PUM1: variants seen among roughly 807,000 people sequenced by gnomAD.
The protein encoded by PUM1 is pumilio homolog 1.
Under a neutral mutation model 131.8 loss-of-function variants are expected in PUM1, and 13 were observed. The observed-to-expected ratio is 0.10, with a 90% CI of 0.06 to 0.16. The LOEUF (loss-of-function observed/expected upper bound fraction) is 0.16. Among genes scored for constraint, PUM1 ranks in the 10% least tolerant of loss-of-function variants. The probability of loss-of-function intolerance (pLI) is 1.00; values close to 1 mark genes in which losing one functional copy is unlikely to be tolerated. For synonymous variants in PUM1, 509 were observed against 556.5 expected, an observed-to-expected ratio of 0.91 and a Z score of 1.20; for missense variants, 961 against 1,512.4, an observed-to-expected ratio of 0.64 and a Z score of 6.05.
rs531387399 is a variant in PUM1, at chr1:31,011,015, C to T, written c.433-3913G>A. Among the ~76,000 whole-genome samples, 28 of 152,138 alleles carry T rather than the reference C, an allele frequency of 1.8e-4. No homozygotes were observed. The South Asian group carries it at 4.6e-3, about 25-fold the overall frequency. On this transcript the variant is annotated intron_variant, in intron 3 of 21. Transcript: ENST00000426105. ...ACAAAAGACTTTTTAAAAATCAGTC[C>T]GGAGTGGTGGCACACCCCTGCAGTC...
chr1:30,954,012 C>A, intron 14 of PUM1, 31 bp from the exon 15 acceptor site: 1 of 1,597,158 alleles, frequency 6.3e-7, no homozygotes, highest in Non-Finnish European at 8.6e-7. Flanking sequence ...TAACTTAAGA[C>A]CACTCTTCAG....
chr1:30,980,383 A>G (rs1422892002), intron 8 of PUM1, among the ~76,000 whole-genome samples: 1 of 152,248 alleles, frequency 6.6e-6, no homozygotes, highest in Non-Finnish European at 1.5e-5. Context: ...CCTTTGCTAA[A>G]GAAATATTTA....
chr1:31,056,401 C>T (rs1002579377), intron 2 of PUM1, among the ~76,000 whole-genome samples: 1 of 151,960 alleles, frequency 6.6e-6, no homozygotes, highest in Non-Finnish European at 1.5e-5. Flanking sequence ...CTGCCTCAGC[C>T]TCCCGAGGAG....
chr1:30,935,599 G>A, intron 21 of PUM1: 1 of 453,782 alleles, frequency 2.2e-6, no homozygotes, highest in Non-Finnish European at 4.5e-6. Context: ...TTAAGAACCT[G>A]GGACTCCCCC....
intron 18 of PUM1, among the ~76,000 whole-genome samples, chr1:30,944,953 C>A (rs1270350431): frequency 1.3e-5 from 2 of 152,192 alleles, no homozygotes; most frequent in Non-Finnish European, 2.9e-5. Flanking sequence ...ACATTAAGAT[C>A]AGGCACAGTG....
chr1:30,936,566 C>T, intron 21 of PUM1, 77 bp downstream of exon 21: 5 of 1,374,996 alleles, frequency 3.6e-6, no homozygotes, highest in Non-Finnish European at 5.0e-6. Context: ...CAGCAGGGCA[C>T]CCACCCTCCT....
At chr1:31,031,966 G>A (rs749661665) in intron 2 of PUM1, among the ~76,000 whole-genome samples, 11 of 147,086 alleles carry the variant, frequency 7.5e-5, no homozygotes, top group Non-Finnish European at 1.1e-4. Flanking sequence ...CCTCTTTCAG[G>A]GTATCTCCCG....
At chr1:30,991,951 C>T (rs1641808867) in intron 7 of PUM1, among the ~76,000 whole-genome samples, 1 of 152,208 alleles carries the variant, frequency 6.6e-6, no homozygotes, top group South Asian at 2.1e-4. Flanking sequence ...TCTGGAGTAA[C>T]TTGTTTAACT....
intron 5 of PUM1, among the ~76,000 whole-genome samples, chr1:30,997,664 C>T (rs1173311433): frequency 1.3e-5 from 2 of 152,120 alleles, no homozygotes; most frequent in South Asian, 2.1e-4. Context: ...AGAACCTGCT[C>T]AGCTCTTCTA....
intron 14 of PUM1, among the ~76,000 whole-genome samples, chr1:30,963,363 T>C (rs1342064102): frequency 6.6e-6 from 1 of 152,222 alleles, no homozygotes; most frequent in East Asian, 1.9e-4. Context: ...ATTATGGACC[T>C]ACTAATCAGG....
intron 2 of PUM1, among the ~76,000 whole-genome samples, chr1:31,045,562 A>C (rs1284282131): frequency 6.6e-6 from 1 of 152,228 alleles, no homozygotes; most frequent in African/African-American, 2.4e-5. Context: ...AAGCCTGGGC[A>C]ACATGAGACC....
Position 31,065,629 on chromosome 1 carries a change from G to A in PUM1, c.-25C>T, listed in dbSNP as rs1348947352. The stretch of plus-strand genomic sequence containing the variant: ...GCGGATACTCACGGGCGGAGCGGTA[G>A]GATGAAGATGGATTTCAGCCCCCCG... On this transcript the variant is annotated 5_prime_UTR_variant, in exon 1 of 22. Transcript: ENST00000426105. 1.3e-6 allele frequency: 2 copies of A among 1,548,334 alleles called. No individual in the cohort carries two copies. The highest frequency in any genetic ancestry group is 1.7e-4 in the Middle Eastern group (1 of 6,014).
intron 2 of PUM1, among the ~76,000 whole-genome samples, chr1:31,032,057 T>C (rs1215737287): frequency 6.6e-6 from 1 of 152,192 alleles, no homozygotes; most frequent in African/African-American, 2.4e-5. Flanking sequence ...AGTCAATTGT[T>C]GAGAAAGGAG....
At chr1:31,009,324 A>C (rs1570262930) in intron 3 of PUM1, among the ~76,000 whole-genome samples, 1 of 152,116 alleles carries the variant, frequency 6.6e-6, no homozygotes, top group Non-Finnish European at 1.5e-5. Context: ...TGTATTCCAG[A>C]AGAAAGAATG....
At chr1:30,949,062 A>G (rs1639814894) in intron 17 of PUM1, 2 of 452,276 alleles carry the variant, frequency 4.4e-6, no homozygotes, top group Admixed American at 4.8e-5. Flanking sequence ...CACTGCCAAC[A>G]CCAGTGCAGT....
chr1:30,992,619 T>C lies in PUM1; in HGVS notation c.929A>G (p.Asp310Gly). The stretch of plus-strand genomic sequence containing the variant: ...ACCATTCTGGTTTGGACCCAGAAGA[T>C]CCACTTCATTAGCAGAGTTCTGGCA... ...GNCQNSANEV[D>G]LLGPNQNGSE... The change falls in exon 7 of 22, where the codon GAT (aspartate) becomes GGT (glycine). Residue 310 changes from aspartate to glycine, a missense_variant. Coordinates refer to ENST00000426105, the MANE Select transcript of PUM1 (RefSeq NM_001020658.2). 3 of 1,614,108 alleles carry C rather than the reference T, an allele frequency of 1.9e-6. No homozygotes were observed. Among genetic ancestry groups the C allele is most frequent in the Non-Finnish European group, 2.5e-6 (3 of 1,179,984 alleles).
intron 12 of PUM1, 182 bp downstream of exon 12, chr1:30,966,985 C>A (rs1640648274): frequency 2.9e-6 from 2 of 681,960 alleles, no homozygotes; most frequent in Non-Finnish European, 4.5e-6. Context: ...ACCCACCAAC[C>A]CCCCAACAAA....
At chr1:31,060,661 G>T (rs1004350001) in intron 1 of PUM1, among the ~76,000 whole-genome samples, 1 of 151,926 alleles carries the variant, frequency 6.6e-6, no homozygotes, top group African/African-American at 2.4e-5. Context: ...CAAGGCAGGT[G>T]TATCACTTGA....
chr1:30,955,096 A>AAAACAAAAAC (rs1042832937), intron 14 of PUM1, among the ~76,000 whole-genome samples: 2 of 151,888 alleles, frequency 1.3e-5, no homozygotes, highest in African/African-American at 4.8e-5. Context: ...CAAACAAAAA[A>AAAACAAAAAC]AAACAAAAAC....
Sources: allele counts gnomAD v4.1 joint callset (sites outside exome capture counted in the v4.1 genomes callset), GRCh38; gene constraint gnomAD v4.1.1; transcripts MANE v1.5; gene names NCBI Gene and HGNC (gene_info 2026-07-23, HGNC 2026-07-21).